Variants in CCDC171 observed in about 807,000 individuals in gnomAD.
The protein encoded by CCDC171 is coiled-coil domain containing 171, also known as coiled-coil domain-containing protein 171.
In CCDC171, 177 loss-of-function variants were observed where a neutral mutation model predicts 168.2. That is an observed-to-expected ratio of 1.05 (90% CI 0.93 to 1.19). CCDC171 has a LOEUF of 1.19. Among genes scored for constraint, CCDC171 ranks in the 50% most tolerant of loss-of-function variants. The probability of loss-of-function intolerance (pLI) is 0.00; values close to 1 mark genes in which losing one functional copy is unlikely to be tolerated. For missense variants in CCDC171, 1,991 were observed against 1,539.0 expected (o/e 1.29, Z -4.91); for synonymous variants, 687 against 540.8 (o/e 1.27, Z -3.75).
At position 15,623,441 on chromosome 9, in the gene CCDC171, A is replaced by G. The variant is rs777395715; in HGVS notation, c.822+28A>G. The G allele has an allele frequency of 6.0e-6, 9 of 1,496,466 alleles. No individual in the cohort carries two copies. The East Asian group carries it at 1.2e-4, about 19-fold the overall frequency. 92.7% of individuals were successfully genotyped at this position (1,496,466 alleles called of 1,614,324 possible). A position where few individuals can be genotyped will look rare whatever the true frequency, so the allele number is the denominator to read the frequency against. On this transcript the variant is annotated intron_variant, in intron 7 of 25. Coordinates refer to ENST00000380701, the MANE Select transcript of CCDC171 (RefSeq NM_173550.4). ...ACATTTTCTCATTCCTTTATAATAT[A>G]TATGCGTACAAACTTTCACATATGC...
At chr9:15,650,702 CAT>C (rs1217171656) in intron 7 of CCDC171, among the ~76,000 whole-genome samples, 4 of 152,180 alleles carry the variant, frequency 2.6e-5, no homozygotes, top group Non-Finnish European at 5.9e-5. Flanking sequence ...CTTTGATACA[CAT>C]GTTTTTTGTC....
chr9:15,685,029 G>A (rs2050287744), intron 10 of CCDC171, among the ~76,000 whole-genome samples: 2 of 152,146 alleles, frequency 1.3e-5, no homozygotes, highest in Admixed American at 6.5e-5. Context: ...AATTCCATAT[G>A]TGAGTTTTGT....
At chr9:15,843,602 C>T (rs1588803731) in intron 21 of CCDC171, among the ~76,000 whole-genome samples, 2 of 152,014 alleles carry the variant, frequency 1.3e-5, no homozygotes, top group African/African-American at 4.8e-5. Context: ...TATGTTTTTC[C>T]TTTAATTTCA....
At chr9:15,780,260 T>C (rs896157505) in intron 20 of CCDC171, among the ~76,000 whole-genome samples, 3 of 152,368 alleles carry the variant, frequency 2.0e-5, no homozygotes, top group South Asian at 2.1e-4. Flanking sequence ...AAAGACACCA[T>C]AATTTTTCCT....
At chr9:15,797,258 T>A (rs2058603096) in intron 21 of CCDC171, among the ~76,000 whole-genome samples, 1 of 152,130 alleles carries the variant, frequency 6.6e-6, no homozygotes, top group South Asian at 2.1e-4. Context: ...CCTTTGTCAC[T>A]CAGGCTGGAG....
rs201752596 is a variant in CCDC171, at chr9:15,837,761, TA to T, written c.3268-8936del. Among the ~76,000 whole-genome samples, 1,205 of 152,318 alleles carry T rather than the reference TA, an allele frequency of 7.9e-3. 12 individuals carry two copies. Among genetic ancestry groups the T allele is most frequent in the African/African-American group, 0.028 (1,148 of 41,564 alleles). On this transcript the variant is annotated intron_variant, in intron 21 of 25. Coordinates refer to ENST00000380701, the MANE Select transcript of CCDC171 (RefSeq NM_173550.4). ...TTAATTAATACAAGTGAAGAGTGGT[TA>T]AAAATTATATATTTCACTCAGATAT...
intron 7 of CCDC171, among the ~76,000 whole-genome samples, chr9:15,638,567 TTTAGCCTAATGAATGTTTTAAA>T (rs1422962395): frequency 2.0e-5 from 3 of 152,062 alleles, no homozygotes; most frequent in Non-Finnish European, 2.9e-5. Flanking sequence ...AAAATAGACA[TTTAGCCTAATGAATGTTTTAAA>T]TTCTAGTGAA....
chr9:15,832,932 A>T (rs2060293876), intron 21 of CCDC171, among the ~76,000 whole-genome samples: 1 of 151,466 alleles, frequency 6.6e-6, no homozygotes, highest in Non-Finnish European at 1.5e-5. Context: ...CAGGGTCAGG[A>T]TCATCAAGAT....
intron 15 of CCDC171, 38 bp from the exon 16 acceptor site, chr9:15,729,572 T>G (rs2134323273): frequency 7.3e-7 from 1 of 1,374,018 alleles, no homozygotes. Flanking sequence ...AAATAGCTTG[T>G]GAGCATATTT....
chr9:15,658,951 A>C (rs1181877941), intron 8 of CCDC171, among the ~76,000 whole-genome samples: 1 of 152,168 alleles, frequency 6.6e-6, no homozygotes, highest in Non-Finnish European at 1.5e-5. Context: ...GATTTTAGGT[A>C]ACTAATTTGC....
chr9:15,587,666 G>A lies in CCDC171; in HGVS notation c.353-3700G>A, dbSNP rs73410288. ...TCCAGCGAAGACTAAAGTTGTTAAC[G>A]TCCACCTTGAAGCTCAGATTCTAGG... On this transcript the variant is annotated intron_variant, in intron 4 of 25. Transcript: ENST00000380701. 3.1e-3 allele frequency: 1,413 copies of A among 456,636 alleles called. 17 individuals carry two copies. Among genetic ancestry groups the A allele is most frequent in the African/African-American group, 0.025 (1,276 of 50,180 alleles). The allele number at this position is 456,636 out of a possible 1,614,324, so 28.3% of individuals were successfully genotyped here.
At chr9:15,600,833 T>A (rs1302017055) in intron 6 of CCDC171, among the ~76,000 whole-genome samples, 2 of 152,192 alleles carry the variant, frequency 1.3e-5, no homozygotes, top group Non-Finnish European at 2.9e-5. Flanking sequence ...GCCTCCACAA[T>A]GGCGGGCGTC....
the CCDC171 span, among the ~76,000 whole-genome samples, chr9:16,075,155 T>C: frequency 6.6e-6 from 1 of 152,346 alleles, no homozygotes; most frequent in Non-Finnish European, 1.5e-5. Context: ...TATCCAGATA[T>C]TGGCATGTCT....
intron 21 of CCDC171, among the ~76,000 whole-genome samples, chr9:15,792,735 C>T (rs10733303): frequency 0.94 from 143,507 of 152,094 alleles, 67,771 homozygotes; most frequent in East Asian, 1. Context: ...GCTTCATAAG[C>T]GAAGGAGAAA....
intron 8 of CCDC171, among the ~76,000 whole-genome samples, chr9:15,661,845 A>T (rs927190584): frequency 2.0e-5 from 3 of 152,222 alleles, no homozygotes; most frequent in African/African-American, 7.2e-5. Flanking sequence ...AGAAGAAAAT[A>T]TTCCCCAGAT....
At chr9:15,959,788 C>G (rs1309690284) in intron 25 of CCDC171, among the ~76,000 whole-genome samples, 1 of 152,068 alleles carries the variant, frequency 6.6e-6, no homozygotes, top group Non-Finnish European at 1.5e-5. Flanking sequence ...TTCCTCCATG[C>G]AGACCTATGG....
At chr9:15,834,355 A>G (rs1052170096) in intron 21 of CCDC171, among the ~76,000 whole-genome samples, 1 of 152,172 alleles carries the variant, frequency 6.6e-6, no homozygotes, top group African/African-American at 2.4e-5. Flanking sequence ...TTCATTTTAG[A>G]GGTAATTTTA....
chr9:15,751,440 G>T (rs114642051), intron 18 of CCDC171, among the ~76,000 whole-genome samples: 1 of 152,060 alleles, frequency 6.6e-6, no homozygotes, highest in Non-Finnish European at 1.5e-5. Flanking sequence ...AATTTCATAC[G>T]GAACCAAGAA....
chr9:15,830,711 A>G (rs2060194023), intron 21 of CCDC171, among the ~76,000 whole-genome samples: 1 of 152,172 alleles, frequency 6.6e-6, no homozygotes. Flanking sequence ...GTGATTGGAT[A>G]TTGAAGGATA....
Sources: gnomAD v4.1 joint callset for allele counts (sites outside exome capture counted in the v4.1 genomes callset) on GRCh38, gnomAD v4.1.1 for gene constraint, MANE v1.5 for transcripts, NCBI Gene and HGNC (gene_info 2026-07-23, HGNC 2026-07-21) for gene names.